CTNNA3: variants seen among roughly 807,000 people sequenced by gnomAD.
The protein encoded by CTNNA3 is catenin alpha-3.
CTNNA3 carries 76 observed loss-of-function variants against 95.7 expected under a neutral mutation model. That is an observed-to-expected ratio of 0.79 (90% CI 0.66 to 0.96). The LOEUF (loss-of-function observed/expected upper bound fraction) is 0.96, where lower values mean the gene tolerates loss of function less well. CTNNA3 is among the 40% of genes least tolerant of loss of function. The pLI is 0.00. For missense variants in CTNNA3, 1,191 were observed against 1,089.8 expected (o/e 1.09, Z -1.31); for synonymous variants, 431 against 374.4 (o/e 1.15, Z -1.74).
intron 15 of CTNNA3, among the ~76,000 whole-genome samples, chr10:65,995,663 C>A (rs1193202904): frequency 6.6e-6 from 1 of 152,146 alleles, no homozygotes; most frequent in Non-Finnish European, 1.5e-5. Flanking sequence ...CAGTATTGGG[C>A]CATGTGGTTC....
At chr10:66,556,203 T>A (rs376398540) in intron 10 of CTNNA3, among the ~76,000 whole-genome samples, 92 of 151,756 alleles carry the variant, frequency 6.1e-4, no homozygotes, top group Non-Finnish European at 1.1e-3. Flanking sequence ...ATACAAAAAA[T>A]GAAAGATTAT....
chr10:67,443,974 CAG>C (rs1482822468), intron 5 of CTNNA3, among the ~76,000 whole-genome samples: 2 of 152,082 alleles, frequency 1.3e-5, no homozygotes, highest in African/African-American at 4.8e-5. Flanking sequence ...ACTTTCATTT[CAG>C]AATTGGACAG....
intron 7 of CTNNA3, among the ~76,000 whole-genome samples, chr10:66,873,106 C>A (rs746344515): frequency 6.6e-6 from 1 of 152,128 alleles, no homozygotes; most frequent in Non-Finnish European, 1.5e-5. Flanking sequence ...TGGATGCACA[C>A]CTAGGTTGAT....
chr10:66,247,048 C>CA (rs57347598), intron 13 of CTNNA3, among the ~76,000 whole-genome samples: 2 of 100,782 alleles, frequency 2.0e-5, no homozygotes, highest in African/African-American at 7.6e-5. Flanking sequence ...GACTCCATCT[C>CA]AAAAAAAAAA....
At chr10:66,190,845 G>A (rs1029478376) in intron 13 of CTNNA3, among the ~76,000 whole-genome samples, 1 of 152,030 alleles carries the variant, frequency 6.6e-6, no homozygotes, top group African/African-American at 2.4e-5. Context: ...AAAAGATGTT[G>A]CCTACCTTTC....
intron 3 of CTNNA3, among the ~76,000 whole-genome samples, chr10:67,571,478 A>T (rs976109585): frequency 6.6e-5 from 10 of 152,190 alleles, no homozygotes; most frequent in African/African-American, 2.2e-4. Context: ...TGTAAGAAAA[A>T]CATTAAGTAA....
intron 5 of CTNNA3, among the ~76,000 whole-genome samples, chr10:67,384,544 C>T (rs74144409): frequency 0.011 from 1,682 of 152,256 alleles, 38 homozygotes; most frequent in African/African-American, 0.037. Flanking sequence ...TACACACACA[C>T]CACCCACTAA....
intron 7 of CTNNA3, among the ~76,000 whole-genome samples, chr10:66,866,246 A>C (rs1589354079): frequency 6.6e-6 from 1 of 152,134 alleles, no homozygotes. Flanking sequence ...CTTCTATACC[A>C]AGAGGATACT....
At chr10:67,701,125 T>G (rs923696917), upstream of CTNNA3, among the ~76,000 whole-genome samples, 6 of 152,032 alleles carry the variant, frequency 3.9e-5, no homozygotes, top group Admixed American at 3.9e-4. Flanking sequence ...TGGGACTATG[T>G]GAAAAGACCA....
chr10:66,647,107 C>T (rs1419320240), intron 9 of CTNNA3, among the ~76,000 whole-genome samples: 1 of 152,186 alleles, frequency 6.6e-6, no homozygotes, highest in Non-Finnish European at 1.5e-5. Context: ...ATAAGTGCCT[C>T]GCACAGGCCT....
intron 5 of CTNNA3, among the ~76,000 whole-genome samples, chr10:67,326,041 A>T (rs1362311176): frequency 6.6e-6 from 1 of 152,040 alleles, no homozygotes; most frequent in Non-Finnish European, 1.5e-5. Flanking sequence ...AGACACTAGG[A>T]TTGCAACCCC....
chr10:66,406,648 T>G (rs931191950), intron 11 of CTNNA3, among the ~76,000 whole-genome samples: 4 of 152,114 alleles, frequency 2.6e-5, no homozygotes, highest in Admixed American at 6.6e-5. Context: ...TTACCTTCAT[T>G]CTTATCAAAG....
At chr10:67,393,836 A>C (rs1416824716) in intron 5 of CTNNA3, among the ~76,000 whole-genome samples, 1 of 152,182 alleles carries the variant, frequency 6.6e-6, no homozygotes. Flanking sequence ...ATATACCTGA[A>C]ATGGAGGAGA....
chr10:67,595,434 T>C (rs1842909640), intron 3 of CTNNA3, among the ~76,000 whole-genome samples: 1 of 152,232 alleles, frequency 6.6e-6, no homozygotes, highest in Admixed American at 6.5e-5. Context: ...TTTCATGTCA[T>C]TGTATGGTTT....
At chr10:66,384,854 C>T (rs1301722974) in intron 11 of CTNNA3, among the ~76,000 whole-genome samples, 3 of 151,810 alleles carry the variant, frequency 2.0e-5, no homozygotes, top group South Asian at 4.2e-4. Context: ...GGGTACATAA[C>T]GAAATGAAGG....
chr10:66,687,941 G>A lies in CTNNA3; in HGVS notation c.1282-66157C>T, dbSNP rs1847363273. 3.3e-5 allele frequency among the ~76,000 whole-genome samples: 5 copies of A among 152,100 alleles called. No individual in the cohort carries two copies. The South Asian group carries it at 1.0e-3, about 31-fold the overall frequency. ...TTTGTAGGATAACTTACTTAATTGT[G>A]TTGAAGATTTTAGATTTGCTGAGCT... is the stretch of plus-strand genomic sequence containing the variant. On this transcript the variant is annotated intron_variant, in intron 9 of 17. Transcript: ENST00000433211.
chr10:67,540,030 C>A (rs918834493), intron 3 of CTNNA3, among the ~76,000 whole-genome samples: 2 of 152,086 alleles, frequency 1.3e-5, no homozygotes, highest in South Asian at 4.1e-4. Flanking sequence ...CAAGGTAAAT[C>A]TTTATTGAGT....
chr10:66,205,348 T>G (rs1445368288), intron 13 of CTNNA3, among the ~76,000 whole-genome samples: 1 of 152,006 alleles, frequency 6.6e-6, no homozygotes, highest in Non-Finnish European at 1.5e-5. Context: ...GCCACTAAAG[T>G]CACAGTTTCC....
At chr10:67,550,381 A>T (rs1468358366) in intron 3 of CTNNA3, among the ~76,000 whole-genome samples, 1 of 152,200 alleles carries the variant, frequency 6.6e-6, no homozygotes, top group African/African-American at 2.4e-5. Context: ...ACTATACTGC[A>T]GGAGTCAACA....
Sources: allele counts gnomAD v4.1 joint callset (sites outside exome capture counted in the v4.1 genomes callset), GRCh38; gene constraint gnomAD v4.1.1; transcripts MANE v1.5; gene names NCBI Gene and HGNC (gene_info 2026-07-23, HGNC 2026-07-21).